The following PRELID3B variants were observed in gnomAD, a reference collection of about 807,000 sequenced individuals.
PRELID3B encodes the protein PRELI domain containing protein 3B.
A neutral mutation model predicts 24.0 loss-of-function variants in PRELID3B; 15 were observed. The ratio of observed to expected loss-of-function variants is 0.63; its 90% confidence interval spans 0.42 to 0.96. The LOEUF is 0.96. Ranked by LOEUF, PRELID3B falls within the 40% of genes least tolerant of loss-of-function variation. PRELID3B has a pLI of 0.00. For synonymous variants in PRELID3B, 62 were observed against 76.0 expected (o/e 0.82, Z 0.96); for missense variants, 189 against 236.0 (o/e 0.80, Z 1.30).
intron 1 of PRELID3B, among the ~76,000 whole-genome samples, chr20:59,042,061 G>A (rs948923106): frequency 1.3e-5 from 2 of 152,234 alleles, no homozygotes; most frequent in African/African-American, 2.4e-5. Context: ...GGTAGGCCCT[G>A]ACGATCGTCC....
At chr20:59,038,161 AC>A in intron 2 of PRELID3B, 1 of 248,024 alleles carries the variant, frequency 4.0e-6, no homozygotes, top group Non-Finnish European at 7.7e-6. Context: ...CCAGACCATT[AC>A]TGCCAAACCT....
In PRELID3B at chr20:59,042,736, C is replaced by A. The variant is rs11557322; in HGVS notation, c.-6G>T. On this transcript the variant is annotated 5_prime_UTR_variant, in exon 1 of 6. Coordinates refer to ENST00000355937, the MANE Select transcript of PRELID3B (RefSeq NM_016045.3). The stretch of plus-strand genomic sequence containing the variant: ...TCCGAAGTCCAGATCTTCATGGTGC[C>A]GGCACCCTGAGAGATGTCCGGGTAG... 2 of 1,601,570 alleles carry A rather than the reference C, an allele frequency of 1.2e-6. No individual in the cohort carries two copies. Among genetic ancestry groups the A allele is most frequent in the Non-Finnish European group, 1.7e-6 (2 of 1,174,794 alleles).
intron 5 of PRELID3B, among the ~76,000 whole-genome samples, chr20:59,036,189 A>G (rs534884956): frequency 3.4e-4 from 52 of 152,318 alleles, no homozygotes; most frequent in Non-Finnish European, 6.6e-4. Context: ...TCCATATGTT[A>G]TCTCATTCAC....
rs1302313105 is a variant in PRELID3B at position 59,040,638 on chromosome 20, G to C, written c.33-2004C>G. ...ATGATGACTTAGACATTGTTAGAGA[G>C]TGACATCCTAAAGATCAGAAACAAC... On this transcript the variant is annotated intron_variant, in intron 1 of 5. Coordinates refer to ENST00000355937, the MANE Select transcript of PRELID3B (RefSeq NM_016045.3). This position sits in a 1 kb window ranked among gnomAD's most constrained non-coding sequence, Gnocchi z 4.1. 6.6e-6 allele frequency among the ~76,000 whole-genome samples: 1 copy of C among 152,248 alleles called. No homozygotes were observed. Among genetic ancestry groups the C allele is most frequent in the Non-Finnish European group, 1.5e-5 (1 of 68,048 alleles).
intron 1 of PRELID3B, among the ~76,000 whole-genome samples, chr20:59,039,910 A>G (rs538932964): frequency 1.3e-5 from 2 of 152,328 alleles, no homozygotes; most frequent in East Asian, 3.9e-4. Context: ...CAATGCAGGT[A>G]TATAAGCAGA....
chr20:59,042,763 G>C lies in PRELID3B; in HGVS notation c.-33C>G. ...GCACCCTGAGAGATGTCCGGGTAGC[G>C]CCAGGGGACAACGAGGCACAGAGGC... On this transcript the variant is annotated 5_prime_UTR_variant, in exon 1 of 6. Transcript: ENST00000355937. 1.9e-6 allele frequency: 3 copies of C among 1,593,344 alleles called. No homozygotes were observed. The highest frequency in any genetic ancestry group is 2.6e-6 in the Non-Finnish European group (3 of 1,170,738).
At chr20:59,041,487 C>A (rs969136621) in intron 1 of PRELID3B, among the ~76,000 whole-genome samples, 3 of 151,950 alleles carry the variant, frequency 2.0e-5, no homozygotes, top group Non-Finnish European at 4.4e-5. Context: ...CCAAGGCGGG[C>A]GAATCACCTG....
rs2092089425 is a variant in PRELID3B, at chr20:59,038,498, T to G, written c.169A>C (p.Thr57Pro). The G allele has an allele frequency of 6.2e-7, 1 of 1,613,770 alleles. No individual in the cohort carries two copies. The highest frequency in any genetic ancestry group is 8.5e-7 in the Non-Finnish European group (1 of 1,179,844). ...ACAATGGAAGGCAGTCCCCACTCTG[T>G]GCTGAGAAGTCTGTGGCTGTGCAAC... ...GKLHSHRLLS[T>P]EWGLPSIVKS... The change falls in exon 2 of 6, where the codon ACA (threonine) becomes CCA (proline). Residue 57 changes from threonine to proline, a missense_variant. Thr to Pro is a conservative substitution (Grantham distance 38, BLOSUM62 -1). Coordinates refer to ENST00000355937, the MANE Select transcript of PRELID3B (RefSeq NM_016045.3).
At position 59,034,913 on chromosome 20, in the gene PRELID3B, C is replaced by CAAA; in HGVS notation, c.*93_*94insTTT. ...ATCAAAAAAAAAAAAAAAAAAACTA[C>CAAA]CCAAAATATAGTTGTATTTTTAAAA... On this transcript the variant is annotated 3_prime_UTR_variant, in exon 6 of 6. Transcript: ENST00000355937. The CAAA allele has an allele frequency of 2.2e-6, 2 of 919,990 alleles. No homozygotes were observed. The highest frequency in any genetic ancestry group is 2.9e-6 in the Non-Finnish European group (2 of 687,204). 57.0% of individuals were successfully genotyped at this position (919,990 alleles called of 1,614,324 possible).
rs946588376 is a variant in PRELID3B, at chr20:59,040,707, G to T, written c.32+1992C>A. Among the ~76,000 whole-genome samples, 1 of 152,186 alleles carries T rather than the reference G, an allele frequency of 6.6e-6. No homozygotes were observed. The highest frequency in any genetic ancestry group is 1.5e-5 in the Non-Finnish European group (1 of 68,034). ...AGATGATGACTTCAATTTCAGACAG[G>T]CTGAGTTTTAAGGGCCTGTGGGACA... On this transcript the variant is annotated intron_variant, in intron 1 of 5. Coordinates refer to ENST00000355937, the MANE Select transcript of PRELID3B (RefSeq NM_016045.3). This position sits in a 1 kb window ranked among gnomAD's most constrained non-coding sequence, Gnocchi z 4.1.
chr20:59,034,948 AATAT>A lies in PRELID3B; in HGVS notation c.*55_*58del, dbSNP rs1481245801. 1.3e-5 allele frequency: 18 copies of A among 1,420,000 alleles called. No individual in the cohort carries two copies. In the Admixed American group the frequency reaches 3.9e-4, roughly 31 times the overall value. The allele number at this position is 1,420,000 out of a possible 1,614,324, so 88.0% of individuals were successfully genotyped here. ...AGTTGTATTTTTAAAATAACAAATA[AATAT>A]ATAGTCAGTTTGGAGAGACCTGGAG... is the stretch of plus-strand genomic sequence containing the variant. On this transcript the variant is annotated 3_prime_UTR_variant, in exon 6 of 6. Transcript: ENST00000355937.
Position 59,042,768 on chromosome 20 carries a change from G to C in PRELID3B, c.-38C>G. On this transcript the variant is annotated 5_prime_UTR_variant, in exon 1 of 6. Transcript: ENST00000355937. Reference sequence around the variant, plus strand: ...CTGAGAGATGTCCGGGTAGCGCCAGGGGACAACGAGGCACAGAGGCTACAC... The same window carrying C: ...CTGAGAGATGTCCGGGTAGCGCCAGCGGACAACGAGGCACAGAGGCTACAC... 1.3e-6 allele frequency: 2 copies of C among 1,587,862 alleles called. No homozygotes were observed. The highest frequency in any genetic ancestry group is 1.1e-5 in the South Asian group (1 of 87,212).
rs928627290 is a variant in PRELID3B at position 59,040,907 on chromosome 20, A to C, written c.32+1792T>G. Among the ~76,000 whole-genome samples, 21 of 151,692 alleles carry C rather than the reference A, an allele frequency of 1.4e-4. No homozygotes were observed. The highest frequency in any genetic ancestry group is 5.1e-4 in the African/African-American group (21 of 41,334). ...GGATCAGGGCTGCTTCTCCCAGGAC[A>C]AAAAAAAAGTCTGTGACGAAAAGAG... On this transcript the variant is annotated intron_variant, in intron 1 of 5. Transcript: ENST00000355937. The surrounding 1 kb of genome is among the most constrained non-coding windows in gnomAD (Gnocchi z 4.1).
Position 59,038,407 on chromosome 20 carries a change from G to T in PRELID3B, c.201+59C>A, listed in dbSNP as rs1290376893. 4.1e-6 allele frequency: 6 copies of T among 1,477,078 alleles called. No homozygotes were observed. The African/African-American group carries it at 7.0e-5, about 17-fold the overall frequency. 91.5% of individuals were successfully genotyped at this position (1,477,078 alleles called of 1,614,324 possible). On this transcript the variant is annotated intron_variant, in intron 2 of 5. Transcript: ENST00000355937. ...CCCACAACCTATTTGAAAGTATAAT[G>T]CGGTTTAGAAAACTTCTCTACAGCA...
At chr20:59,041,993 A>C (rs1054911770) in intron 1 of PRELID3B, among the ~76,000 whole-genome samples, 1 of 152,350 alleles carries the variant, frequency 6.6e-6, no homozygotes, top group East Asian at 1.9e-4. Flanking sequence ...TTTCGTTAGT[A>C]AACAGTTCAC....
chr20:59,042,518 G>A (rs1490650323), intron 1 of PRELID3B, among the ~76,000 whole-genome samples, 181 bp downstream of exon 1: 1 of 152,066 alleles, frequency 6.6e-6, no homozygotes, highest in Non-Finnish European at 1.5e-5. Flanking sequence ...CCCTCGGCTA[G>A]GGCGCCTCGG....
intron 1 of PRELID3B, among the ~76,000 whole-genome samples, chr20:59,041,172 T>TGAA (rs1362937866): frequency 1.3e-5 from 2 of 152,118 alleles, no homozygotes; most frequent in Admixed American, 1.3e-4. Flanking sequence ...AGAAGAGGAC[T>TGAA]GAAGCATGCA....
chr20:59,038,776 A>G (rs1054248234), intron 1 of PRELID3B, 142 bp from the exon 2 acceptor site: 2 of 1,080,144 alleles, frequency 1.9e-6, no homozygotes, highest in Non-Finnish European at 1.3e-6. Context: ...TTACCTTCTG[A>G]AACACTGATG....
At chr20:59,036,109 G>A (rs1049182099) in intron 5 of PRELID3B, among the ~76,000 whole-genome samples, 6 of 152,158 alleles carry the variant, frequency 3.9e-5, no homozygotes, top group African/African-American at 1.4e-4. Context: ...TTGAGAAACA[G>A]TGCCTTAAAT....
Sources: gnomAD v4.1 joint callset for allele counts (sites outside exome capture counted in the v4.1 genomes callset) on GRCh38, gnomAD v4.1.1 for gene constraint, Gnocchi (gnomAD v3.1) non-coding constraint, MANE v1.5 for transcripts, NCBI Gene and HGNC (gene_info 2026-07-23, HGNC 2026-07-21) for gene names.